NLRP5: variants seen among roughly 807,000 people sequenced by gnomAD.
NLRP5 encodes the protein NACHT, LRR and PYD domains-containing protein 5.
In NLRP5, 93 loss-of-function variants were observed where a neutral mutation model predicts 113.1. That is an observed-to-expected ratio of 0.82 (90% CI 0.70 to 0.98). The LOEUF (loss-of-function observed/expected upper bound fraction) is 0.98. NLRP5 is among the 50% of genes least tolerant of loss of function. The probability of loss-of-function intolerance (pLI) is 0.00; values close to 1 mark genes in which losing one functional copy is unlikely to be tolerated. For synonymous variants in NLRP5, 751 were observed against 600.7 expected (o/e 1.25, Z -3.66); for missense variants, 1,808 against 1,514.3 (o/e 1.19, Z -3.22).
intron 14 of NLRP5, among the ~76,000 whole-genome samples, chr19:56,058,889 CAA>C (rs991325698): frequency 2.0e-5 from 3 of 152,098 alleles, no homozygotes; most frequent in Non-Finnish European, 4.4e-5. Context: ...TATTCAGTCT[CAA>C]AAAGAAAATT....
At chr19:56,052,665 C>A (rs1389091954) in intron 12 of NLRP5, among the ~76,000 whole-genome samples, 2 of 152,208 alleles carry the variant, frequency 1.3e-5, no homozygotes, top group Non-Finnish European at 2.9e-5. Context: ...AAGCTGAAGA[C>A]AGACTTGGAG....
intron 4 of NLRP5, among the ~76,000 whole-genome samples, chr19:56,016,333 A>G (rs532606791): frequency 1.2e-4 from 19 of 152,058 alleles, no homozygotes; most frequent in African/African-American, 4.6e-4. Context: ...TTGTATTTTT[A>G]GTAGAGACAG....
chr19:56,041,591 A>C (rs554159248), intron 11 of NLRP5, among the ~76,000 whole-genome samples: 57 of 152,296 alleles, frequency 3.7e-4, no homozygotes, highest in Middle Eastern at 3.4e-3. Context: ...TGGACCTCAC[A>C]GCCTCCCCAC....
the NLRP5 span, chr19:55,987,939 C>A: frequency 2.6e-6 from 4 of 1,535,914 alleles, no homozygotes; most frequent in Admixed American, 1.7e-5. Context: ...TTCTCTGGGG[C>A]TTGATTGATC....
the NLRP5 span, among the ~76,000 whole-genome samples, chr19:55,990,682 G>A: frequency 6.6e-6 from 1 of 152,024 alleles, no homozygotes; most frequent in African/African-American, 2.4e-5. Context: ...AAAATTAGCC[G>A]GGCATGGTGG....
At chr19:56,050,904 C>G (rs1391441525) in intron 12 of NLRP5, among the ~76,000 whole-genome samples, 2 of 152,192 alleles carry the variant, frequency 1.3e-5, no homozygotes, top group Non-Finnish European at 2.9e-5. Flanking sequence ...AGGGAGAGTG[C>G]TTGTCTCTTA....
At chr19:55,987,814 C>CTG in the NLRP5 span, 2 of 1,612,454 alleles carry the variant, frequency 1.2e-6, no homozygotes, top group Non-Finnish European at 1.7e-6. Flanking sequence ...CTCCCTCCAG[C>CTG]TGTATTCCTG....
chr19:56,048,086 C>T (rs1983794432), intron 11 of NLRP5, among the ~76,000 whole-genome samples: 1 of 152,110 alleles, frequency 6.6e-6, no homozygotes, highest in African/African-American at 2.4e-5. Context: ...CCTTTTTGTA[C>T]CCCTTTACTT....
chr19:55,997,172 T>C (rs555080781), upstream of NLRP5, among the ~76,000 whole-genome samples: 1 of 152,280 alleles, frequency 6.6e-6, no homozygotes, highest in Non-Finnish European at 1.5e-5. Flanking sequence ...TGCCCACTTT[T>C]TGATGGGGTT....
In NLRP5 at chr19:56,038,114, C is replaced by T; in HGVS notation, c.2705C>T (p.Ala902Val). The T allele has an allele frequency of 6.2e-7, 1 of 1,613,918 alleles. No individual in the cohort carries two copies. The highest frequency in any genetic ancestry group is 8.5e-7 in the Non-Finnish European group (1 of 1,179,818). Residue 902 changes from alanine (A) to valine (V), a missense_variant, in exon 10 of 15, where the codon GCA becomes GTA. Transcript: ENST00000390649. ...CCCAGCCTGAAATCTCTGAGCCTGG[C>T]AGGAAACAAGGTGACAGACCAGGGA...
chr19:56,040,000 G>A (rs1429279778), intron 10 of NLRP5, among the ~76,000 whole-genome samples: 1 of 152,144 alleles, frequency 6.6e-6, no homozygotes, highest in Non-Finnish European at 1.5e-5. Context: ...CACTGTTCTG[G>A]AGTACAGTGG....
At chr19:56,046,795 G>A (rs1237492892) in intron 11 of NLRP5, among the ~76,000 whole-genome samples, 1 of 152,196 alleles carries the variant, frequency 6.6e-6, no homozygotes, top group Non-Finnish European at 1.5e-5. Context: ...GCCTCCCAAA[G>A]TGCTGGGATC....
chr19:56,007,869 TTGTGTG>T (rs140570438), intron 2 of NLRP5, among the ~76,000 whole-genome samples: 10 of 85,994 alleles, frequency 1.2e-4, no homozygotes, highest in East Asian at 7.2e-4. Flanking sequence ...ACAAGACAGT[TTGTGTG>T]TGTGTGTGTG....
Position 56,003,812 on chromosome 19 carries a change from A to G in NLRP5, c.159A>G (p.Glu53=), listed in dbSNP as rs375607090. 207 of 1,613,896 alleles carry G rather than the reference A, an allele frequency of 1.3e-4. No homozygotes were observed. The highest frequency in any genetic ancestry group is 5.0e-4 in the Admixed American group (30 of 59,992). Residue 53 remains glutamate (E), a synonymous_variant, in exon 2 of 15, where the codon GAA becomes GAG. Coordinates refer to ENST00000390649, the MANE Select transcript of NLRP5 (RefSeq NM_153447.4). ...GCTCTCAGCCTTGTATCAAGATGGA[A>G]GGAGACAAATCGCTCACCTTTTCCA...
chr19:56,005,332 T>C (rs374578181), intron 2 of NLRP5, among the ~76,000 whole-genome samples: 2 of 140,694 alleles, frequency 1.4e-5, no homozygotes, highest in African/African-American at 2.7e-5. Context: ...CATATTTATA[T>C]ATACACATAC....
intron 3 of NLRP5, among the ~76,000 whole-genome samples, chr19:56,011,296 C>T (rs936815605): frequency 2.0e-5 from 3 of 151,834 alleles, no homozygotes; most frequent in Non-Finnish European, 4.4e-5. Context: ...ATCGGCAAAT[C>T]CATTTAAATA....
intron 13 of NLRP5, among the ~76,000 whole-genome samples, chr19:56,056,549 T>A (rs536455888): frequency 2.6e-5 from 4 of 152,054 alleles, no homozygotes; most frequent in South Asian, 4.2e-4. Flanking sequence ...AGAGCGAGAC[T>A]CTATTTCTAA....
chr19:56,015,907 C>T (rs975584469), intron 4 of NLRP5, 109 bp downstream of exon 4: 12 of 772,144 alleles, frequency 1.6e-5, no homozygotes, highest in Non-Finnish European at 2.4e-5. Flanking sequence ...TCTTCATCCT[C>T]ATTTGTCTCT....
chr19:56,027,276 C>G lies in NLRP5; in HGVS notation c.1043C>G (p.Thr348Arg), dbSNP rs774837360. 6.2e-7 allele frequency: 1 copy of G among 1,612,044 alleles called. No individual in the cohort carries two copies. Among genetic ancestry groups the G allele is most frequent in the Admixed American group, 1.7e-5 (1 of 59,996 alleles). The change falls in exon 7 of 15, where the codon ACG becomes AGG. Residue 348 changes from threonine to arginine, a missense_variant. Transcript: ENST00000390649. Reference sequence around the variant, plus strand: ...TGGCCAGACTCCCAGGCTCCGGTGACGGAGATCATGTCCCGACCAGAAAGG... The same window carrying G: ...TGGCCAGACTCCCAGGCTCCGGTGAGGGAGATCATGTCCCGACCAGAAAGG...
Sources: gnomAD v4.1 joint callset for allele counts (sites outside exome capture counted in the v4.1 genomes callset) on GRCh38, gnomAD v4.1.1 for gene constraint, MANE v1.5 for transcripts, NCBI Gene and HGNC (gene_info 2026-07-23, HGNC 2026-07-21) for gene names.